TCF7: variants seen among roughly 807,000 people sequenced by gnomAD.
The protein encoded by TCF7 is transcription factor 7.
Under a neutral mutation model 46.8 loss-of-function variants are expected in TCF7, and 19 were observed. The ratio of observed to expected loss-of-function variants is 0.41; its 90% CI spans 0.28 to 0.60. TCF7 has a LOEUF of 0.60. TCF7 is among the 20% of genes least tolerant of loss of function. The probability of loss-of-function intolerance (pLI) is 0.35; values close to 1 mark genes in which losing one functional copy is unlikely to be tolerated. For missense variants in TCF7, 547 were observed against 504.6 expected (o/e 1.08, Z -0.81); for synonymous variants, 245 against 213.4 (o/e 1.15, Z -1.29).
intron 9 of TCF7, 155 bp downstream of exon 9, chr5:134,143,795 T>C: frequency 1.3e-6 from 1 of 773,240 alleles, no homozygotes; most frequent in East Asian, 2.7e-5. Flanking sequence ...ACAAGTCAAA[T>C]TCCCATGCAA....
upstream of TCF7, among the ~76,000 whole-genome samples, chr5:134,109,786 A>T (rs1326171712): frequency 1.1e-5 from 1 of 92,062 alleles, no homozygotes; most frequent in Non-Finnish European, 2.5e-5. Flanking sequence ...AAAAAAAAAA[A>T]AAAAAAGAAC....
At chr5:134,134,091 G>A (rs1758521345) in intron 3 of TCF7, among the ~76,000 whole-genome samples, 4 of 152,220 alleles carry the variant, frequency 2.6e-5, no homozygotes. Flanking sequence ...AACTCCTGTG[G>A]GTAGCTTCTC....
At chr5:134,113,570 G>A (rs1254167322), upstream of TCF7, among the ~76,000 whole-genome samples, 2 of 152,242 alleles carry the variant, frequency 1.3e-5, no homozygotes, top group Non-Finnish European at 2.9e-5. Context: ...CAGAAGAGGC[G>A]TGAGCGTCTA....
chr5:134,142,241 T>C lies in TCF7; in HGVS notation c.692T>C (p.Ile231Thr). Reference sequence around the variant, plus strand: ...GGTGTACCTGGTCACCCAGCAGCCATCCCCCACCCGGCCATTGTGCCCCCC... The same window carrying C: ...GGTGTACCTGGTCACCCAGCAGCCACCCCCCACCCGGCCATTGTGCCCCCC... ...GSGVPGHPAA[I>T]PHPAIVPPSG... Residue 231 changes from isoleucine (I) to threonine (T), a missense_variant, in exon 6 of 10, where the codon ATC becomes ACC. Ile to Thr is a moderately conservative substitution (Grantham distance 89). Transcript: ENST00000342854. 1 of 1,611,112 alleles carries C rather than the reference T, an allele frequency of 6.2e-7. No individual in the cohort carries two copies. The highest frequency in any genetic ancestry group is 8.5e-7 in the Non-Finnish European group (1 of 1,177,718).
Position 134,146,318 on chromosome 5 carries a change from C to G in TCF7, c.*15C>G. On this transcript the variant is annotated 3_prime_UTR_variant, in exon 10 of 10. Coordinates refer to ENST00000342854, the MANE Select transcript of TCF7 (RefSeq NM_003202.5). ...CAGTGCTCTAGGCTGCCCCGGGTCC[C>G]CAGCTCCCCAGGACTCACCCTCATA... 1 of 1,614,002 alleles carries G rather than the reference C, an allele frequency of 6.2e-7. No individual in the cohort carries two copies.
upstream of TCF7, among the ~76,000 whole-genome samples, chr5:134,113,971 A>C: frequency 6.6e-6 from 1 of 152,000 alleles, no homozygotes; most frequent in South Asian, 2.1e-4. Context: ...GAGTTGGGAG[A>C]GTCATAGGGG....
rs1760740203 is a variant in TCF7 at position 134,146,573 on chromosome 5, G to C, written c.*270G>C. Reference sequence around the variant, plus strand: ...AGGAGCCTACCCCCTGAAAGTGACAGAGACCCAGATCTCATGGAAACTGGC... The same window carrying C: ...AGGAGCCTACCCCCTGAAAGTGACACAGACCCAGATCTCATGGAAACTGGC... On this transcript the variant is annotated 3_prime_UTR_variant, in exon 10 of 10. Coordinates refer to ENST00000342854, the MANE Select transcript of TCF7 (RefSeq NM_003202.5). 1.4e-6 allele frequency: 1 copy of C among 706,420 alleles called. No individual in the cohort carries two copies. Among genetic ancestry groups the C allele is most frequent in the African/African-American group, 1.8e-5 (1 of 56,184 alleles). 43.8% of individuals were successfully genotyped at this position (706,420 alleles called of 1,614,324 possible).
At chr5:134,137,966 T>G in intron 3 of TCF7, 93 bp from the exon 4 acceptor site, 1 of 1,111,026 alleles carries the variant, frequency 9.0e-7, no homozygotes, top group Non-Finnish European at 1.3e-6. Context: ...CCACCACTTT[T>G]CTTTGACAGC....
intron 3 of TCF7, among the ~76,000 whole-genome samples, chr5:134,120,956 C>T (rs1756492983): frequency 6.6e-6 from 1 of 152,212 alleles, no homozygotes. Flanking sequence ...ATGACTGAAC[C>T]CTTGTCCCTT....
At chr5:134,145,897 C>T (rs1045221717) in intron 9 of TCF7, 1 of 1,556,186 alleles carries the variant, frequency 6.4e-7, no homozygotes, top group Non-Finnish European at 8.7e-7. Flanking sequence ...CCCACAAACA[C>T]ATCTGGAGAA....
At chr5:134,122,679 C>G (rs1756770439) in intron 3 of TCF7, among the ~76,000 whole-genome samples, 1 of 152,332 alleles carries the variant, frequency 6.6e-6, no homozygotes, top group East Asian at 1.9e-4. Context: ...CCGCAGCCCC[C>G]CTGAGCCTCT....
intron 4 of TCF7, chr5:134,138,380 G>C: frequency 3.7e-6 from 2 of 538,344 alleles, no homozygotes; most frequent in Non-Finnish European, 6.6e-6. Flanking sequence ...GAAGGCTTCA[G>C]GTTGAAGCCT....
At chr5:134,108,902 C>T in the TCF7 span, among the ~76,000 whole-genome samples, 2 of 152,266 alleles carry the variant, frequency 1.3e-5, no homozygotes, top group African/African-American at 2.4e-5. Flanking sequence ...CTCTTTAATC[C>T]CTCTTCTCTC....
intron 3 of TCF7, among the ~76,000 whole-genome samples, chr5:134,130,707 G>A (rs566840553): frequency 9.9e-5 from 15 of 152,264 alleles, no homozygotes; most frequent in African/African-American, 3.6e-4. Flanking sequence ...TCCAAGTAGT[G>A]GCCCCAGCTC....
At chr5:134,137,646 C>A (rs1415459909) in intron 3 of TCF7, among the ~76,000 whole-genome samples, 2 of 152,228 alleles carry the variant, frequency 1.3e-5, no homozygotes, top group African/African-American at 4.8e-5. Context: ...AGACTGGGGG[C>A]TAGAAGATGA....
At chr5:134,145,853 C>T in intron 9 of TCF7, 1 of 1,607,708 alleles carries the variant, frequency 6.2e-7, no homozygotes, top group Non-Finnish European at 8.5e-7. Flanking sequence ...AAGCCATAGG[C>T]ATTGCGGCCC....
At chr5:134,143,563 C>A (rs763177315) in intron 8 of TCF7, 29 bp from the exon 9 acceptor site, 3 of 1,614,000 alleles carry the variant, frequency 1.9e-6, no homozygotes, top group African/African-American at 1.3e-5. Context: ...CCTCCCAGAT[C>A]TGAGCATCCC....
In TCF7 at chr5:134,138,970, C is replaced by T. The variant is rs1759315053; in HGVS notation, c.567C>T (p.Thr189=). ...CTGCAGTTCACAGGCCTCTGCAGAC[C>T]CCTGACCTCTCTGGCTTCTACTCCC... is the stretch of plus-strand genomic sequence containing the variant. ...SQKQVHRPLQ[T]PDLSGFYSLT... Residue 189 remains threonine (T), a synonymous_variant, in exon 5 of 10, where the codon ACC becomes ACT. Transcript: ENST00000342854. 1 of 1,613,970 alleles carries T rather than the reference C, an allele frequency of 6.2e-7. No individual in the cohort carries two copies. The highest frequency in any genetic ancestry group is 8.5e-7 in the Non-Finnish European group (1 of 1,180,008).
At chr5:134,124,058 A>AC (rs1756992410) in intron 3 of TCF7, among the ~76,000 whole-genome samples, 1 of 151,732 alleles carries the variant, frequency 6.6e-6, no homozygotes. Context: ...GGGGAACTCT[A>AC]CCCCAGAGGT....
Sources: gnomAD v4.1 joint callset for allele counts (sites outside exome capture counted in the v4.1 genomes callset) on GRCh38, gnomAD v4.1.1 for gene constraint, MANE v1.5 for transcripts, NCBI Gene and HGNC (gene_info 2026-07-23, HGNC 2026-07-21) for gene names.